Variants in SEMA5B observed in about 807,000 individuals in gnomAD.
The protein encoded by SEMA5B is semaphorin 5B, also known as semaphorin-5B.
Under a neutral mutation model 135.0 loss-of-function variants are expected in SEMA5B, and 66 were observed. The observed-to-expected ratio is 0.49, with a 90% confidence interval of 0.40 to 0.60. The LOEUF (loss-of-function observed/expected upper bound fraction) is 0.60. SEMA5B is among the 20% of genes least tolerant of loss of function. SEMA5B has a pLI of 0.00. For synonymous variants in SEMA5B, 690 were observed against 639.5 expected (o/e 1.08, Z -1.19); for missense variants, 1,501 against 1,566.3 (o/e 0.96, Z 0.70).
chr3:122,933,854 T>A (rs112572970), intron 5 of SEMA5B, among the ~76,000 whole-genome samples: 63 of 152,232 alleles, frequency 4.1e-4, no homozygotes, highest in African/African-American at 1.5e-3. Flanking sequence ...TATTGTTTTA[T>A]AAACAAAATA....
chr3:122,999,662 C>A (rs1199158326), intron 1 of SEMA5B, among the ~76,000 whole-genome samples: 1 of 152,168 alleles, frequency 6.6e-6, no homozygotes, highest in Non-Finnish European at 1.5e-5. Flanking sequence ...TTTCTCCTTC[C>A]CCTCCCCAGG....
chr3:122,913,777 C>T (rs995682532), intron 15 of SEMA5B, 81 bp downstream of exon 15: 26 of 1,567,898 alleles, frequency 1.7e-5, no homozygotes, highest in Non-Finnish European at 2.0e-5. Flanking sequence ...CGAGAGTCCC[C>T]GGGATCACGA....
chr3:122,983,704 C>T (rs1490207942), intron 1 of SEMA5B, among the ~76,000 whole-genome samples: 1 of 101,298 alleles, frequency 9.9e-6, no homozygotes, highest in African/African-American at 4.5e-5. Flanking sequence ...GGCGACAGAG[C>T]GAGACTCGTC....
intron 3 of SEMA5B, among the ~76,000 whole-genome samples, chr3:122,946,793 G>A (rs944083375): frequency 2.6e-5 from 4 of 152,156 alleles, no homozygotes; most frequent in African/African-American, 7.2e-5. Context: ...TCAGCAAACG[G>A]ATAGGAAAAC....
In SEMA5B at chr3:122,913,664, G is replaced by A. The variant is rs768015772; in HGVS notation, c.2150C>T (p.Thr717Met). The change falls in exon 16 of 23, where the codon ACG becomes ATG. Residue 717 changes from threonine to methionine, a missense_variant. By Grantham distance (81) the Thr-to-Met change is moderately conservative. Around this residue, in one of 2 missense-constraint regions of SEMA5B, gnomAD observed 927 missense variants for 881.6 expected, o/e 1.05. Transcript: ENST00000357599. ...CCAGAAGATGGGCACCGGGCAAGGCGTGTTCTCATTACAGAACCTGGGGTC... is the reference window on the plus strand; with the variant it reads ...CCAGAAGATGGGCACCGGGCAAGGCATGTTCTCATTACAGAACCTGGGGTC... ...SREERFCNEN[T>M]PCPVPIFWAS... 1.2e-6 allele frequency: 2 copies of A among 1,613,718 alleles called. No homozygotes were observed. Among genetic ancestry groups the A allele is most frequent in the South Asian group, 1.1e-5 (1 of 91,062 alleles).
intron 1 of SEMA5B, among the ~76,000 whole-genome samples, chr3:122,986,068 C>A (rs1279216375): frequency 6.6e-6 from 1 of 152,208 alleles, no homozygotes; most frequent in East Asian, 1.9e-4. Flanking sequence ...GTTTCCCTCT[C>A]CTTTCTTTTC....
intron 7 of SEMA5B, among the ~76,000 whole-genome samples, chr3:122,928,259 G>A (rs774088553): frequency 5.9e-5 from 9 of 152,156 alleles, no homozygotes; most frequent in Non-Finnish European, 8.8e-5. Flanking sequence ...AATACAGAAG[G>A]CCCAGCTCAA....
At chr3:122,975,646 T>C (rs1421874410) in intron 1 of SEMA5B, among the ~76,000 whole-genome samples, 1 of 152,212 alleles carries the variant, frequency 6.6e-6, no homozygotes. Context: ...TGTCAGTCAC[T>C]ATTTTATCAT....
At chr3:123,011,355 C>T (rs910654487) in intron 1 of SEMA5B, among the ~76,000 whole-genome samples, 5 of 152,248 alleles carry the variant, frequency 3.3e-5, no homozygotes, top group African/African-American at 1.2e-4. Flanking sequence ...CCCATTCAGC[C>T]TCTGTGTCAC....
At position 122,979,065 on chromosome 3, in the gene SEMA5B, A is replaced by G. The variant is rs561530683; in HGVS notation, c.-38-17764T>C. On this transcript the variant is annotated intron_variant, in intron 1 of 22. Coordinates refer to ENST00000357599, the MANE Select transcript of SEMA5B (RefSeq NM_001031702.4). ...AAGACACAAAGAATGTCTTGAAAAG[A>G]AGGGACAAAGCACTGGGGCTCTGCA... is the stretch of plus-strand genomic sequence containing the variant. 2.6e-5 allele frequency among the ~76,000 whole-genome samples: 4 copies of G among 152,294 alleles called. No homozygotes were observed. In the East Asian group the frequency reaches 5.8e-4, roughly 22 times the overall value.
chr3:122,991,939 ACGG>A (rs1222206364), intron 1 of SEMA5B, among the ~76,000 whole-genome samples: 6 of 152,178 alleles, frequency 3.9e-5, no homozygotes, highest in African/African-American at 1.2e-4. Flanking sequence ...CATCCCTGTG[ACGG>A]CAAAACAGAT....
intron 1 of SEMA5B, among the ~76,000 whole-genome samples, chr3:122,996,181 A>T (rs1942017587): frequency 6.6e-6 from 1 of 152,248 alleles, no homozygotes; most frequent in Admixed American, 6.5e-5. Flanking sequence ...CTTCTCCAAC[A>T]CACACACTCA....
intron 1 of SEMA5B, among the ~76,000 whole-genome samples, chr3:123,014,775 C>A (rs1445137009): frequency 6.6e-6 from 1 of 152,118 alleles, no homozygotes; most frequent in Non-Finnish European, 1.5e-5. Context: ...AATGTAGTCT[C>A]GAAACAGGAG....
intron 22 of SEMA5B, 74 bp from the exon 23 acceptor site, chr3:122,910,375 G>A: frequency 2.7e-6 from 4 of 1,507,018 alleles, no homozygotes; most frequent in Admixed American, 1.8e-5. Context: ...AGAGCAAGGA[G>A]TCCAGAAGCC....
At chr3:122,961,344 A>C in intron 1 of SEMA5B, 43 bp from the exon 2 acceptor site, 1 of 1,572,082 alleles carries the variant, frequency 6.4e-7, no homozygotes, top group Non-Finnish European at 8.7e-7. Flanking sequence ...TACATGATGA[A>C]CCAGGCAAAA....
In SEMA5B at chr3:122,913,372, G is replaced by A; in HGVS notation, c.2333C>T (p.Pro778Leu). Reference sequence around the variant, plus strand: ...GTTCACGGGCAGCCACGGCGTCCAGGGGGTGTTGCGCCGCACTTCGGGGCA... The same window carrying A: ...GTTCACGGGCAGCCACGGCGTCCAGAGGGTGTTGCGCCGCACTTCGGGGCA... The part of the protein sequence containing the change: ...EGCPEVRRNT[P>L]WTPWLPVNVT... Residue 778 changes from proline to leucine, a missense_variant, in exon 17 of 23, where the codon CCC becomes CTC. Physicochemically the swap from Pro to Leu is moderately conservative, Grantham distance 98. This residue lies in a region of SEMA5B where 927 missense variants were observed against 881.6 expected (regional missense o/e 1.05). Transcript: ENST00000357599. The A allele has an allele frequency of 2.5e-6, 4 of 1,582,942 alleles. No homozygotes were observed. Among genetic ancestry groups the A allele is most frequent in the South Asian group, 1.1e-5 (1 of 89,314 alleles).
chr3:122,928,023 G>C lies in SEMA5B; in HGVS notation c.637-20C>G. 1.4e-6 allele frequency: 2 copies of C among 1,445,398 alleles called. No homozygotes were observed. The highest frequency in any genetic ancestry group is 1.6e-5 in the South Asian group (1 of 63,116). 89.5% of individuals were successfully genotyped at this position (1,445,398 alleles called of 1,614,324 possible). ...CCCCACCTGGGGACAATGGGGAGAAGGGGACACTTTTCCCTGAGGCCCTGG... is the reference window on the plus strand; with the variant it reads ...CCCCACCTGGGGACAATGGGGAGAACGGGACACTTTTCCCTGAGGCCCTGG... On this transcript the variant is annotated intron_variant, in intron 7 of 22. Transcript: ENST00000357599.
chr3:122,919,468 T>C (rs1268287300), intron 12 of SEMA5B, among the ~76,000 whole-genome samples: 3 of 152,132 alleles, frequency 2.0e-5, no homozygotes, highest in African/African-American at 7.2e-5. Flanking sequence ...AAAGAGGCAG[T>C]TGGAGATAAC....
intron 1 of SEMA5B, among the ~76,000 whole-genome samples, chr3:122,970,684 C>T (rs1004351363): frequency 2.0e-5 from 3 of 152,232 alleles, no homozygotes; most frequent in Non-Finnish European, 4.4e-5. Flanking sequence ...TTAATCATCA[C>T]AGCCTTCCTG....
Sources: gnomAD v4.1 joint callset for allele counts (sites outside exome capture counted in the v4.1 genomes callset) on GRCh38, gnomAD v4.1.1 for gene constraint, gnomAD v4.1.1 regional missense constraint, MANE v1.5 for transcripts, NCBI Gene and HGNC (gene_info 2026-07-23, HGNC 2026-07-21) for gene names.